Variants in GALNT13 observed in about 807,000 individuals in gnomAD.
The protein encoded by GALNT13 is polypeptide N-acetylgalactosaminyltransferase 13, also known as UDP-GalNAc:polypeptide N-acetylgalactosaminyltransferase 13.
A neutral mutation model predicts 64.2 loss-of-function variants in GALNT13; 28 were observed. The ratio of observed to expected loss-of-function variants is 0.44; its 90% CI spans 0.32 to 0.60. The LOEUF is 0.60. Among genes scored for constraint, GALNT13 ranks in the 20% least tolerant of loss-of-function variants. The probability of loss-of-function intolerance (pLI) is 0.05; values close to 1 mark genes in which losing one functional copy is unlikely to be tolerated. For missense variants in GALNT13, 577 were observed against 669.8 expected, an observed-to-expected ratio of 0.86 and a Z score of 1.53; for synonymous variants, 214 against 224.6, an observed-to-expected ratio of 0.95 and a Z score of 0.42.
chr2:153,305,916 A>G, the GALNT13 span, among the ~76,000 whole-genome samples: 1 of 152,188 alleles, frequency 6.6e-6, no homozygotes, highest in South Asian at 2.1e-4. Context: ...TCTTCACTGG[A>G]CTTTTGATAC....
chr2:154,055,120 C>T (rs1189056318), intron 3 of GALNT13, among the ~76,000 whole-genome samples: 1 of 151,914 alleles, frequency 6.6e-6, no homozygotes, highest in Admixed American at 6.6e-5. Flanking sequence ...CATATTATTT[C>T]CCTCATAAGT....
the GALNT13 span, among the ~76,000 whole-genome samples, chr2:153,276,407 C>A: frequency 6.6e-6 from 1 of 151,994 alleles, no homozygotes; most frequent in African/African-American, 2.4e-5. Flanking sequence ...TAAACTTAGG[C>A]CTTTAATAAA....
chr2:153,598,081 A>G, the GALNT13 span, among the ~76,000 whole-genome samples: 1 of 152,094 alleles, frequency 6.6e-6, no homozygotes, highest in Non-Finnish European at 1.5e-5. Context: ...ACTGTTAAAT[A>G]CCAGTACCCG....
chr2:153,867,327 TTG>T (rs1164930702), upstream of GALNT13, among the ~76,000 whole-genome samples: 24 of 152,172 alleles, frequency 1.6e-4, no homozygotes, highest in Non-Finnish European at 5.9e-5. Flanking sequence ...GCTACACTAC[TTG>T]GCTACTTCTG....
intron 3 of GALNT13, among the ~76,000 whole-genome samples, chr2:153,994,082 C>G (rs984462547): frequency 3.3e-5 from 5 of 152,124 alleles, no homozygotes; most frequent in Non-Finnish European, 5.9e-5. Flanking sequence ...CACCCCATGA[C>G]AGGCCCCAGT....
the GALNT13 span, among the ~76,000 whole-genome samples, chr2:153,567,431 C>T: frequency 6.6e-6 from 1 of 152,178 alleles, no homozygotes; most frequent in Non-Finnish European, 1.5e-5. Flanking sequence ...GGTAGAAGTC[C>T]AGGTAAGGAC....
At chr2:153,138,120 T>C in the GALNT13 span, among the ~76,000 whole-genome samples, 1 of 152,174 alleles carries the variant, frequency 6.6e-6, no homozygotes, top group East Asian at 1.9e-4. Context: ...TATTTACAGA[T>C]GAGGAAACTG....
chr2:153,395,704 T>A, the GALNT13 span, among the ~76,000 whole-genome samples: 9 of 152,074 alleles, frequency 5.9e-5, no homozygotes, highest in Admixed American at 3.3e-4. Context: ...AGTTGAAAAT[T>A]TGCGAAACCT....
chr2:154,111,484 G>A (rs1287540542), intron 3 of GALNT13, among the ~76,000 whole-genome samples: 2 of 152,168 alleles, frequency 1.3e-5, no homozygotes, highest in Admixed American at 6.6e-5. Flanking sequence ...AAGGTAGGAG[G>A]AGCCCAAAGT....
At chr2:153,825,281 A>G in the GALNT13 span, among the ~76,000 whole-genome samples, 1 of 152,186 alleles carries the variant, frequency 6.6e-6, no homozygotes, top group Non-Finnish European at 1.5e-5. Flanking sequence ...TGTTAATAGT[A>G]CTGAGGTTGA....
chr2:154,303,859 G>C lies in GALNT13; in HGVS notation c.1156+2270G>C, dbSNP rs1169962819. Reference sequence around the variant, plus strand: ...CTGCAAACTCTGCCTCCCGGTTCAAGGGATTCTCCTGCCTCAGCCTCTCCA... The same window carrying C: ...CTGCAAACTCTGCCTCCCGGTTCAACGGATTCTCCTGCCTCAGCCTCTCCA... On this transcript the variant is annotated intron_variant, in intron 9 of 12. Coordinates refer to ENST00000392825, the MANE Select transcript of GALNT13 (RefSeq NM_052917.4). 2.0e-5 allele frequency among the ~76,000 whole-genome samples: 3 copies of C among 151,950 alleles called. No homozygotes were observed. In the East Asian group the frequency reaches 5.8e-4, roughly 30 times the overall value.
At chr2:154,133,534 T>TA (rs1682752722) in intron 3 of GALNT13, among the ~76,000 whole-genome samples, 2 of 77,324 alleles carry the variant, frequency 2.6e-5, no homozygotes, top group Admixed American at 1.6e-4. Context: ...ACAGACCATT[T>TA]TATATATATA....
At chr2:153,138,183 A>T in the GALNT13 span, among the ~76,000 whole-genome samples, 2 of 152,114 alleles carry the variant, frequency 1.3e-5, no homozygotes, top group Admixed American at 1.3e-4. Flanking sequence ...GCTGGAATTC[A>T]AACTTTCAGA....
chr2:153,109,052 G>T, the GALNT13 span, among the ~76,000 whole-genome samples: 1 of 152,134 alleles, frequency 6.6e-6, no homozygotes, highest in East Asian at 1.9e-4. Flanking sequence ...GGTTTCAAGA[G>T]ATGTCCAAGA....
chr2:154,017,183 G>A (rs1697067672), intron 3 of GALNT13, among the ~76,000 whole-genome samples: 1 of 152,072 alleles, frequency 6.6e-6, no homozygotes, highest in African/African-American at 2.4e-5. Flanking sequence ...TATAAAATGA[G>A]AATTTTTCAT....
intron 8 of GALNT13, among the ~76,000 whole-genome samples, chr2:154,266,558 C>T (rs1247997936): frequency 6.6e-6 from 1 of 151,782 alleles, no homozygotes; most frequent in Non-Finnish European, 1.5e-5. Context: ...AAAAGATGTG[C>T]AAGACCTCTA....
rs189110970 is a variant in GALNT13, at chr2:154,334,046, T to C, written c.1156+32457T>C. On this transcript the variant is annotated intron_variant, in intron 9 of 12. Coordinates refer to ENST00000392825, the MANE Select transcript of GALNT13 (RefSeq NM_052917.4). ...CACAGGCAGTCGTTTATATTCCTTTTGAACTCTGTTATGTTACCTCATGGA... is the reference window on the plus strand; with the variant it reads ...CACAGGCAGTCGTTTATATTCCTTTCGAACTCTGTTATGTTACCTCATGGA... Among the ~76,000 whole-genome samples, 511 of 151,616 alleles carry C rather than the reference T, an allele frequency of 3.4e-3. 1 individual carries two copies. Among genetic ancestry groups the C allele is most frequent in the Non-Finnish European group, 5.7e-3 (388 of 67,830 alleles).
the GALNT13 span, among the ~76,000 whole-genome samples, chr2:153,383,042 T>A: frequency 6.6e-6 from 1 of 152,124 alleles, no homozygotes; most frequent in African/African-American, 2.4e-5. Flanking sequence ...TTTTAAAAAA[T>A]TCATTTCTTT....
chr2:154,136,510 A>AT lies in GALNT13; in HGVS notation c.143-3826dup, dbSNP rs540076370. ...AATAAGAAAATGTTCACAATGTAATATACATAAGCAAATAATGCAATTGAT... is the reference window on the plus strand; with the variant it reads ...AATAAGAAAATGTTCACAATGTAATATTACATAAGCAAATAATGCAATTGAT... On this transcript the variant is annotated intron_variant, in intron 3 of 12. Transcript: ENST00000392825. Among the ~76,000 whole-genome samples, 337 of 152,304 alleles carry AT rather than the reference A, an allele frequency of 2.2e-3. 1 individual carries two copies. Among genetic ancestry groups the AT allele is most frequent in the Non-Finnish European group, 3.5e-3 (240 of 68,002 alleles).
Sources: gnomAD v4.1 joint callset for allele counts (sites outside exome capture counted in the v4.1 genomes callset) on GRCh38, gnomAD v4.1.1 for gene constraint, MANE v1.5 for transcripts, NCBI Gene and HGNC (gene_info 2026-07-23, HGNC 2026-07-21) for gene names.